The following SMOC1 variants were observed in gnomAD, a reference collection of about 807,000 sequenced individuals.
SMOC1 encodes the protein SPARC-related modular calcium-binding protein 1.
SMOC1 carries 22 observed loss-of-function variants against 56.3 expected under a neutral mutation model. The observed-to-expected ratio is 0.39, with a 90% CI of 0.28 to 0.56. The LOEUF (loss-of-function observed/expected upper bound fraction) is 0.56, where lower values mean the gene tolerates loss of function less well. Among genes scored for constraint, SMOC1 ranks in the 20% least tolerant of loss-of-function variants. The pLI, the probability that SMOC1 is intolerant of heterozygous loss-of-function variation, is 0.61. For missense variants in SMOC1, 509 were observed against 565.4 expected, an observed-to-expected ratio of 0.90 and a Z score of 1.01; for synonymous variants, 193 against 215.0, an observed-to-expected ratio of 0.90 and a Z score of 0.89.
rs1883564762 is a variant in SMOC1 at position 69,879,421 on chromosome 14, TCCAA to T, written c.-255_-252del. The stretch of plus-strand genomic sequence containing the variant: ...AATTCCCATGGCCCGGGCTCAGGCG[TCCAA>T]CCTGCTGCCGCCTGGGCCCCGCCGA... On this transcript the variant is annotated 5_prime_UTR_variant, in exon 1 of 12. Transcript: ENST00000361956. 2.7e-6 allele frequency: 1 copy of T among 372,100 alleles called. No homozygotes were observed. Among genetic ancestry groups the T allele is most frequent in the African/African-American group, 2.1e-5 (1 of 46,846 alleles). The allele number at this position is 372,100 out of a possible 1,614,324, so 23.0% of individuals were successfully genotyped here.
rs374254004 is a variant in SMOC1, at chr14:69,959,096, G to T, written c.378+5564G>T. Among the ~76,000 whole-genome samples, 132 of 152,074 alleles carry T rather than the reference G, an allele frequency of 8.7e-4. 6 individuals carry two copies. The South Asian group carries it at 0.027, about 31-fold the overall frequency. On this transcript the variant is annotated intron_variant, in intron 3 of 11. Coordinates refer to ENST00000361956, the MANE Select transcript of SMOC1 (RefSeq NM_001034852.3). Reference sequence around the variant, plus strand: ...ACCCTCTAGATTTTTTTCCTTGTGTGTACTTATTGTCATTATTTAGGACAA... The same window carrying T: ...ACCCTCTAGATTTTTTTCCTTGTGTTTACTTATTGTCATTATTTAGGACAA...
In SMOC1 at chr14:69,975,764, G is replaced by C. The variant is rs1460558057; in HGVS notation, c.428G>C (p.Gly143Ala). 6.2e-7 allele frequency: 1 copy of C among 1,613,066 alleles called. No homozygotes were observed. The highest frequency in any genetic ancestry group is 2.2e-5 in the East Asian group (1 of 44,882). Reference sequence around the variant, plus strand: ...TACTGCTGGTGTGTCACCCCGGATGGGAAGCCCATCAGTGGCTCTTCTGTG... The same window carrying C: ...TACTGCTGGTGTGTCACCCCGGATGCGAAGCCCATCAGTGGCTCTTCTGTG... ...TGYCWCVTPD[G>A]KPISGSSVQN... is the part of the protein sequence containing the mutation. The change falls in exon 4 of 12, where the codon GGG becomes GCG. Residue 143 changes from glycine (G) to alanine (A), a missense_variant. By Grantham distance (60) the Gly-to-Ala change is moderately conservative. This residue lies in a region of SMOC1 where 315 missense variants were observed against 333.1 expected (regional missense o/e 0.95). Coordinates refer to ENST00000361956, the MANE Select transcript of SMOC1 (RefSeq NM_001034852.3).
At chr14:69,907,311 A>G (rs1884436373) in intron 1 of SMOC1, among the ~76,000 whole-genome samples, 1 of 152,242 alleles carries the variant, frequency 6.6e-6, no homozygotes, top group East Asian at 1.9e-4. Context: ...AAAACCTACT[A>G]CATGGAATCT....
rs574899920 is a variant in SMOC1 at position 69,953,286 on chromosome 14, C to G, written c.266-134C>G. On this transcript the variant is annotated intron_variant, in intron 2 of 11. Transcript: ENST00000361956. ...TGTGCAGCAGTTACTAGCCACGGCC[C>G]TTTTAGGGTTGGACAAGCCAGTTAG... 7.6e-6 allele frequency: 6 copies of G among 788,870 alleles called. No individual in the cohort carries two copies. The African/African-American group carries it at 8.4e-5, about 11-fold the overall frequency. 48.9% of individuals were successfully genotyped at this position (788,870 alleles called of 1,614,324 possible).
At chr14:69,952,097 C>T in intron 1 of SMOC1, 41 bp from the exon 2 acceptor site, 1 of 1,611,196 alleles carries the variant, frequency 6.2e-7, no homozygotes, top group Non-Finnish European at 8.5e-7. Context: ...ACTTTTCTTG[C>T]AAAAGTAACC....
chr14:69,962,408 C>T (rs73289088), intron 3 of SMOC1, among the ~76,000 whole-genome samples: 16,191 of 152,192 alleles, frequency 0.11, 1,256 homozygotes, highest in African/African-American at 0.22. Flanking sequence ...CAGTAATCTG[C>T]CTGCCTTAGC....
intron 3 of SMOC1, among the ~76,000 whole-genome samples, chr14:69,954,952 G>T (rs187185337): frequency 6.6e-6 from 1 of 152,268 alleles, no homozygotes; most frequent in Admixed American, 6.5e-5. Flanking sequence ...AGGAGGTTGA[G>T]GATTGGATAT....
At position 69,888,130 on chromosome 14, in the gene SMOC1, G is replaced by A. The variant is rs77925255; in HGVS notation, c.99+8353G>A. Among the ~76,000 whole-genome samples the A allele has an allele frequency of 8.6e-3, 1,312 of 152,190 alleles. 9 individuals are homozygous for A. The highest frequency in any genetic ancestry group is 0.013 in the Non-Finnish European group (894 of 68,024). ...TTGGGGAGGACAAAGGTTGAGTTGC[G>A]GATGAGAAATAAATCGGAGCTGCTT... On this transcript the variant is annotated intron_variant, in intron 1 of 11. Transcript: ENST00000361956.
At chr14:69,958,855 C>T (rs139380962) in intron 3 of SMOC1, among the ~76,000 whole-genome samples, 6 of 152,306 alleles carry the variant, frequency 3.9e-5, no homozygotes, top group South Asian at 2.1e-4. Flanking sequence ...AACCTCCAAA[C>T]GCATGTGTTG....
intron 1 of SMOC1, among the ~76,000 whole-genome samples, chr14:69,919,910 AC>A (rs36119349): frequency 0.36 from 41,271 of 116,178 alleles, 6,181 homozygotes; most frequent in Admixed American, 0.44. Flanking sequence ...GAACACAAAT[AC>A]CCCCCCCCCC....
chr14:70,024,454 G>A (rs1885850477), intron 11 of SMOC1, among the ~76,000 whole-genome samples: 1 of 152,058 alleles, frequency 6.6e-6, no homozygotes, highest in African/African-American at 2.4e-5. Flanking sequence ...TTTGAAAGAA[G>A]AATATATAAG....
chr14:69,982,082 T>C (rs1033591725), intron 5 of SMOC1, among the ~76,000 whole-genome samples: 9 of 152,170 alleles, frequency 5.9e-5, no homozygotes, highest in East Asian at 1.9e-4. Flanking sequence ...TCAGAGGCCA[T>C]GGGGTGATGC....
intron 3 of SMOC1, among the ~76,000 whole-genome samples, chr14:69,975,410 T>C (rs933791724): frequency 6.6e-6 from 1 of 152,126 alleles, no homozygotes. Context: ...AGAAAACAAA[T>C]GTACAGGTAT....
intron 3 of SMOC1, 147 bp downstream of exon 3, chr14:69,953,679 C>T: frequency 1.4e-6 from 1 of 726,690 alleles, no homozygotes; most frequent in African/African-American, 1.7e-5. Context: ...GCTGCCTTCC[C>T]CCTCTCTGGC....
intron 1 of SMOC1, among the ~76,000 whole-genome samples, chr14:69,891,831 G>A (rs1442864029): frequency 6.6e-6 from 1 of 152,074 alleles, no homozygotes; most frequent in East Asian, 1.9e-4. Flanking sequence ...TCAGATAAAC[G>A]ACAAATTATG....
At chr14:70,007,075 T>C (rs1885172216) in intron 7 of SMOC1, among the ~76,000 whole-genome samples, 1 of 151,992 alleles carries the variant, frequency 6.6e-6, no homozygotes, top group Admixed American at 6.6e-5. Flanking sequence ...AAAAGAAAAA[T>C]ATAGGTTAGG....
intron 6 of SMOC1, among the ~76,000 whole-genome samples, chr14:69,992,947 G>A (rs937818867): frequency 4.6e-5 from 7 of 152,196 alleles, no homozygotes; most frequent in African/African-American, 1.4e-4. Context: ...TTTAAATTAC[G>A]GGGTCTCCGT....
At chr14:69,915,101 C>T (rs1884652453) in intron 1 of SMOC1, among the ~76,000 whole-genome samples, 1 of 152,180 alleles carries the variant, frequency 6.6e-6, no homozygotes, top group African/African-American at 2.4e-5. Context: ...CTCCTGACCT[C>T]AGGTGATCCA....
chr14:69,977,242 C>G (rs1024806895), intron 4 of SMOC1, among the ~76,000 whole-genome samples: 8 of 152,222 alleles, frequency 5.3e-5, no homozygotes, highest in African/African-American at 1.9e-4. Context: ...GAGGCTGGAC[C>G]TCAGCAGAAG....
Sources: allele counts gnomAD v4.1 joint callset (sites outside exome capture counted in the v4.1 genomes callset), GRCh38; gene constraint gnomAD v4.1.1; regional missense constraint gnomAD v4.1.1; transcripts MANE v1.5; gene names NCBI Gene and HGNC (gene_info 2026-07-23, HGNC 2026-07-21).